The following EXOC4 variants were observed in gnomAD, a reference collection of about 807,000 sequenced individuals.
EXOC4 encodes the protein SEC8-like 1.
A neutral mutation model predicts 107.2 loss-of-function variants in EXOC4; 71 were observed. That is an observed-to-expected ratio of 0.66 (90% CI 0.55 to 0.81). The LOEUF is 0.81. Among genes scored for constraint, EXOC4 ranks in the 30% least tolerant of loss-of-function variants. EXOC4 has a pLI of 0.00. For synonymous variants in EXOC4, 456 were observed against 441.2 expected (o/e 1.03, Z -0.42); for missense variants, 1,108 against 1,189.6 (o/e 0.93, Z 1.01).
intron 10 of EXOC4, among the ~76,000 whole-genome samples, chr7:133,654,901 T>A (rs1031292868): frequency 3.3e-5 from 5 of 152,154 alleles, no homozygotes; most frequent in Non-Finnish European, 5.9e-5. Context: ...CTTGTGTGTT[T>A]AAACATCTAA....
intron 10 of EXOC4, among the ~76,000 whole-genome samples, chr7:133,805,695 A>C (rs1585159526): frequency 6.6e-6 from 1 of 152,280 alleles, no homozygotes; most frequent in East Asian, 1.9e-4. Context: ...CAGTGTTCTA[A>C]ATAAACGAAC....
At chr7:133,323,695 G>C (rs979588534) in intron 5 of EXOC4, among the ~76,000 whole-genome samples, 35 of 152,152 alleles carry the variant, frequency 2.3e-4, no homozygotes, top group Non-Finnish European at 3.4e-4. Flanking sequence ...CCTCTGTCAG[G>C]CTTTGGTATC....
At chr7:133,515,282 G>T (rs1240840452) in intron 9 of EXOC4, among the ~76,000 whole-genome samples, 1 of 151,700 alleles carries the variant, frequency 6.6e-6, no homozygotes, top group Non-Finnish European at 1.5e-5. Flanking sequence ...TGTAAAACCT[G>T]TATATCTTCC....
intron 10 of EXOC4, among the ~76,000 whole-genome samples, chr7:133,689,851 T>C (rs540932344): frequency 2.6e-5 from 4 of 152,346 alleles, no homozygotes; most frequent in African/African-American, 7.2e-5. Flanking sequence ...AAGATCTTAA[T>C]TGACCTTTAT....
At chr7:133,897,358 A>G (rs945024912) in intron 12 of EXOC4, among the ~76,000 whole-genome samples, 1 of 152,150 alleles carries the variant, frequency 6.6e-6, no homozygotes, top group South Asian at 2.1e-4. Flanking sequence ...CATATACTTA[A>G]CAATTATGTC....
At chr7:133,977,283 G>A (rs1432335744) in intron 14 of EXOC4, among the ~76,000 whole-genome samples, 2 of 152,128 alleles carry the variant, frequency 1.3e-5, no homozygotes, top group Admixed American at 1.3e-4. Flanking sequence ...AAATAGTCCT[G>A]TGAAACATTT....
chr7:133,595,794 G>T (rs990291978), intron 9 of EXOC4, among the ~76,000 whole-genome samples: 3 of 152,018 alleles, frequency 2.0e-5, no homozygotes, highest in Non-Finnish European at 2.9e-5. Flanking sequence ...CCTATACCTC[G>T]CACTGTCTTC....
intron 9 of EXOC4, among the ~76,000 whole-genome samples, chr7:133,556,582 C>T (rs910020060): frequency 3.3e-5 from 5 of 151,900 alleles, no homozygotes; most frequent in Admixed American, 2.0e-4. Flanking sequence ...AATGGGGTAC[C>T]GCGGTAAGGA....
intron 10 of EXOC4, among the ~76,000 whole-genome samples, chr7:133,748,671 C>A (rs1159686703): frequency 1.3e-5 from 2 of 152,194 alleles, no homozygotes; most frequent in East Asian, 1.9e-4. Flanking sequence ...TGTGCTCTCT[C>A]CCTTCCCTGA....
At chr7:133,618,288 A>T (rs1802244330) in intron 9 of EXOC4, among the ~76,000 whole-genome samples, 1 of 149,780 alleles carries the variant, frequency 6.7e-6, no homozygotes. Flanking sequence ...TCTGTTTTGC[A>T]TTTTGAGAGC....
intron 11 of EXOC4, among the ~76,000 whole-genome samples, chr7:133,887,174 T>C (rs1020994483): frequency 6.6e-6 from 1 of 152,186 alleles, no homozygotes; most frequent in Non-Finnish European, 1.5e-5. Context: ...CCCCTCCAAA[T>C]GCTATCAGCA....
intron 10 of EXOC4, among the ~76,000 whole-genome samples, chr7:133,655,275 TATA>T (rs1285996844): frequency 3.3e-5 from 5 of 152,184 alleles, no homozygotes; most frequent in Admixed American, 6.5e-5. Flanking sequence ...GTATATATTT[TATA>T]ATGATTAAAT....
At chr7:133,788,525 C>A (rs1026780206) in intron 10 of EXOC4, among the ~76,000 whole-genome samples, 11 of 152,064 alleles carry the variant, frequency 7.2e-5, no homozygotes, top group African/African-American at 1.9e-4. Context: ...GAGTATTGGT[C>A]TGTCACCCAG....
intron 13 of EXOC4, among the ~76,000 whole-genome samples, chr7:133,928,682 G>T (rs1303485512): frequency 6.6e-6 from 1 of 152,100 alleles, no homozygotes; most frequent in Non-Finnish European, 1.5e-5. Context: ...TAATAGTGTG[G>T]TGAGTGCTAC....
chr7:133,475,578 G>A, intron 8 of EXOC4, 105 bp downstream of exon 8: 2 of 1,026,942 alleles, frequency 1.9e-6, no homozygotes, highest in South Asian at 3.2e-5. Context: ...TAAGTTGATT[G>A]AAGTAATTTA....
intron 11 of EXOC4, among the ~76,000 whole-genome samples, chr7:133,862,989 ATTTG>A (rs1269572519): frequency 6.6e-6 from 1 of 152,182 alleles, no homozygotes; most frequent in Non-Finnish European, 1.5e-5. Flanking sequence ...TAAGTGTACT[ATTTG>A]TTTTCATGGG....
chr7:133,684,746 A>C (rs571087365), intron 10 of EXOC4, among the ~76,000 whole-genome samples: 1 of 152,302 alleles, frequency 6.6e-6, no homozygotes, highest in South Asian at 2.1e-4. Flanking sequence ...AGGAAACTAA[A>C]AACCAGAACA....
intron 11 of EXOC4, among the ~76,000 whole-genome samples, chr7:133,883,104 C>T (rs1199867927): frequency 6.6e-6 from 1 of 152,216 alleles, no homozygotes; most frequent in Admixed American, 6.5e-5. Flanking sequence ...CCAGAGGTTA[C>T]TTTTCCCTGA....
chr7:133,745,710 CTT>C (rs766551871), intron 10 of EXOC4, among the ~76,000 whole-genome samples: 2,326 of 126,432 alleles, frequency 0.018, 56 homozygotes, highest in African/African-American at 0.064. Context: ...TCCTGTTACT[CTT>C]TTTTTTTTTT....
Sources: allele counts gnomAD v4.1 joint callset (sites outside exome capture counted in the v4.1 genomes callset), GRCh38; gene constraint gnomAD v4.1.1; transcripts MANE v1.5; gene names NCBI Gene and HGNC (gene_info 2026-07-23, HGNC 2026-07-21).